DUSP10: variants seen among roughly 807,000 people sequenced by gnomAD.
The protein encoded by DUSP10 is dual specificity protein phosphatase 10.
In DUSP10, 14 loss-of-function variants were observed where a neutral mutation model predicts 30.8. That is an observed-to-expected ratio of 0.46 (90% CI 0.30 to 0.71). DUSP10 has a LOEUF of 0.71. Among genes scored for constraint, DUSP10 ranks in the 30% least tolerant of loss-of-function variants. The pLI, the probability that DUSP10 is intolerant of heterozygous loss-of-function variation, is 0.08. For synonymous variants in DUSP10, 254 were observed against 250.4 expected, an observed-to-expected ratio of 1.01 and a Z score of -0.14; for missense variants, 550 against 619.4, an observed-to-expected ratio of 0.89 and a Z score of 1.19.
intron 2 of DUSP10, among the ~76,000 whole-genome samples, chr1:221,726,445 G>T (rs1288934310): frequency 1.3e-5 from 2 of 152,128 alleles, no homozygotes; most frequent in African/African-American, 4.8e-5. Context: ...AAAAGTACAT[G>T]CAATATAAAG....
At chr1:221,736,775 A>G (rs1661786491) in intron 2 of DUSP10, 1 of 978,972 alleles carries the variant, frequency 1.0e-6, no homozygotes, top group South Asian at 4.7e-5. Flanking sequence ...TCACTCCTGA[A>G]CTACATATTT....
intron 2 of DUSP10, among the ~76,000 whole-genome samples, chr1:221,728,749 C>T (rs999185480): frequency 1.3e-5 from 2 of 152,192 alleles, no homozygotes; most frequent in African/African-American, 4.8e-5. Flanking sequence ...GCATTAGAGT[C>T]TTTAGGATGT....
intron 1 of DUSP10, among the ~76,000 whole-genome samples, chr1:221,740,327 G>A (rs756239182): frequency 6.6e-6 from 1 of 152,226 alleles, no homozygotes; most frequent in Non-Finnish European, 1.5e-5. Flanking sequence ...TCAACTTTCT[G>A]CAAATCCCCT....
intron 2 of DUSP10, among the ~76,000 whole-genome samples, chr1:221,716,194 G>C (rs367978999): frequency 2.4e-4 from 36 of 152,300 alleles, no homozygotes; most frequent in East Asian, 9.6e-4. Context: ...ATATTTGTTA[G>C]ACCTATTTTT....
intron 2 of DUSP10, chr1:221,711,571 T>C (rs546408592): frequency 6.6e-6 from 1 of 152,310 alleles, no homozygotes; most frequent in Non-Finnish European, 1.5e-5. Flanking sequence ...ACCTTGATGA[T>C]AGTGGTTAAG....
chr1:221,728,732 A>G (rs1661494561), intron 2 of DUSP10, among the ~76,000 whole-genome samples: 1 of 152,148 alleles, frequency 6.6e-6, no homozygotes, highest in Admixed American at 6.5e-5. Context: ...ACAATCAAAT[A>G]CCTTTGGCAT....
At position 221,701,814 on chromosome 1, in the gene DUSP10, GA is replaced by G. The variant is rs796958414; in HGVS notation, c.*597del. 2.9e-3 allele frequency: 404 copies of G among 137,508 alleles called. No homozygotes were observed. The highest frequency in any genetic ancestry group is 3.6e-3 in the Middle Eastern group (1 of 276). The allele number at this position is 137,508 out of a possible 1,614,324, so 8.5% of individuals were successfully genotyped here. A position where few individuals can be genotyped will look rare whatever the true frequency, so the allele number is the denominator to read the frequency against. On this transcript the variant is annotated 3_prime_UTR_variant, in exon 4 of 4. Transcript: ENST00000366899. ...AAAAAATCTCTTAAACCCAGAGAAG[GA>G]AAAAAAAAAAAAATCCAGAGCATGA...
chr1:221,729,651 A>C (rs1346660044), intron 2 of DUSP10, among the ~76,000 whole-genome samples: 1 of 152,230 alleles, frequency 6.6e-6, no homozygotes, highest in Non-Finnish European at 1.5e-5. Flanking sequence ...AATAGCTTTT[A>C]ACTTGTTTTT....
chr1:221,715,078 G>A (rs1294095915), intron 2 of DUSP10, among the ~76,000 whole-genome samples: 1 of 151,654 alleles, frequency 6.6e-6, no homozygotes, highest in African/African-American at 2.4e-5. Flanking sequence ...TTATTGGAGG[G>A]GTCTCTTGTC....
intron 2 of DUSP10, among the ~76,000 whole-genome samples, chr1:221,708,408 TA>T (rs1201871543): frequency 6.6e-6 from 1 of 152,070 alleles, no homozygotes; most frequent in African/African-American, 2.4e-5. Flanking sequence ...GCTGGCTGTG[TA>T]AAAGAGAGAA....
intron 2 of DUSP10, among the ~76,000 whole-genome samples, chr1:221,716,775 G>T (rs1661119232): frequency 6.6e-6 from 1 of 152,116 alleles, no homozygotes; most frequent in African/African-American, 2.4e-5. Flanking sequence ...TTTTCTTTCT[G>T]GTACGTGTCT....
chr1:221,739,153 C>T lies in DUSP10; in HGVS notation c.592G>A (p.Asp198Asn), dbSNP rs1195091831. The change falls in exon 2 of 4, where the codon GAT becomes AAT. Residue 198 changes from aspartate to asparagine, a missense_variant. Coordinates refer to ENST00000366899, the MANE Select transcript of DUSP10 (RefSeq NM_007207.6). ...TGCAGTCTCCGCCGGCTGATCTTAT[C>T]GGCACAGTTAATGTGGACAGCTCCT... ...IQGAVHINCADKISRRRLQQG... is the reference protein window; with the variant it reads ...IQGAVHINCANKISRRRLQQG... 3.7e-6 allele frequency: 6 copies of T among 1,614,212 alleles called. No individual in the cohort carries two copies. Among genetic ancestry groups the T allele is most frequent in the East Asian group, 2.2e-5 (1 of 44,890 alleles).
intron 2 of DUSP10, among the ~76,000 whole-genome samples, chr1:221,715,818 G>C (rs1661086998): frequency 6.6e-6 from 1 of 152,152 alleles, no homozygotes; most frequent in South Asian, 2.1e-4. Context: ...AGTTCCCAGA[G>C]CCAGGAAGCC....
chr1:221,723,513 G>A (rs1661337596), intron 2 of DUSP10, among the ~76,000 whole-genome samples: 1 of 152,188 alleles, frequency 6.6e-6, no homozygotes, highest in African/African-American at 2.4e-5. Flanking sequence ...ACTTCCAGAT[G>A]CTAGCCACAG....
At chr1:221,708,267 T>C (rs1398061342) in intron 2 of DUSP10, among the ~76,000 whole-genome samples, 1 of 152,234 alleles carries the variant, frequency 6.6e-6, no homozygotes, top group Admixed American at 6.5e-5. Flanking sequence ...GAAGTCTATC[T>C]GTCCACTAGC....
intron 1 of DUSP10, among the ~76,000 whole-genome samples, chr1:221,740,674 C>T (rs1661927465): frequency 6.6e-6 from 1 of 152,232 alleles, no homozygotes; most frequent in Non-Finnish European, 1.5e-5. Flanking sequence ...CCTAGAGCTT[C>T]TCTCAATGGG....
chr1:221,710,282 G>C (rs1280572328), intron 2 of DUSP10, among the ~76,000 whole-genome samples: 1 of 152,072 alleles, frequency 6.6e-6, no homozygotes, highest in African/African-American at 2.4e-5. Flanking sequence ...CAGAGAAGGA[G>C]TATTGAGGCT....
intron 2 of DUSP10, chr1:221,736,919 C>T (rs1246708865): frequency 1.2e-4 from 121 of 985,344 alleles, no homozygotes; most frequent in Non-Finnish European, 1.4e-4. Context: ...CTCGCAGTGG[C>T]TGCCCAGGGC....
intron 3 of DUSP10, among the ~76,000 whole-genome samples, chr1:221,705,853 T>C (rs1417631304): frequency 6.6e-6 from 1 of 152,232 alleles, no homozygotes; most frequent in Non-Finnish European, 1.5e-5. Context: ...TGAGGATTTC[T>C]AGTTGAACAG....
Sources: allele counts gnomAD v4.1 joint callset (sites outside exome capture counted in the v4.1 genomes callset), GRCh38; gene constraint gnomAD v4.1.1; transcripts MANE v1.5; gene names NCBI Gene and HGNC (gene_info 2026-07-23, HGNC 2026-07-21).